Variants in TNFSF4 observed in about 807,000 individuals in gnomAD.
TNFSF4 encodes the protein tumor necrosis factor ligand superfamily member 4.
A neutral mutation model predicts 7.3 loss-of-function variants in TNFSF4; 4 were observed. The ratio of observed to expected loss-of-function variants is 0.55; its 90% CI spans 0.27 to 1.25. The LOEUF (loss-of-function observed/expected upper bound fraction) is 1.25, where lower values mean the gene tolerates loss of function less well. Ranked by LOEUF, TNFSF4 falls within the 50% of genes most tolerant of loss-of-function variation. TNFSF4 has a pLI of 0.12. For missense variants in TNFSF4, 181 were observed against 208.8 expected, an observed-to-expected ratio of 0.87 and a Z score of 0.82; for synonymous variants, 76 against 83.7, an observed-to-expected ratio of 0.91 and a Z score of 0.50.
chr1:173,229,071 T>C, the TNFSF4 span, among the ~76,000 whole-genome samples: 3 of 152,052 alleles, frequency 2.0e-5, no homozygotes, highest in Non-Finnish European at 4.4e-5. Flanking sequence ...ATTCAGGAAA[T>C]ACAGAGAACA....
At chr1:173,255,662 C>T in the TNFSF4 span, among the ~76,000 whole-genome samples, 1 of 152,218 alleles carries the variant, frequency 6.6e-6, no homozygotes, top group East Asian at 1.9e-4. Flanking sequence ...TAGTTAGACA[C>T]ATACTAGCAC....
chr1:173,242,255 A>T, the TNFSF4 span, among the ~76,000 whole-genome samples: 1 of 152,184 alleles, frequency 6.6e-6, no homozygotes, highest in African/African-American at 2.4e-5. Context: ...TCATCTGGTT[A>T]TGACAGAAGT....
chr1:173,383,236 C>T, the TNFSF4 span, among the ~76,000 whole-genome samples: 2 of 152,036 alleles, frequency 1.3e-5, no homozygotes, highest in Non-Finnish European at 2.9e-5. Flanking sequence ...ATTCTTTGCC[C>T]AAAATAGCAA....
chr1:173,360,708 G>A, the TNFSF4 span, among the ~76,000 whole-genome samples: 3 of 152,212 alleles, frequency 2.0e-5, no homozygotes, highest in African/African-American at 4.8e-5. Flanking sequence ...AAACTGAGGG[G>A]CCCCTTGTGG....
the TNFSF4 span, among the ~76,000 whole-genome samples, chr1:173,308,263 C>T: frequency 8.6e-6 from 1 of 116,222 alleles, no homozygotes; most frequent in Non-Finnish European, 1.8e-5. Context: ...ACTCCTCTCT[C>T]TCTTTCTCTC....
downstream of TNFSF4, among the ~76,000 whole-genome samples, chr1:173,182,213 GT>G (rs1400473904): frequency 7.3e-5 from 11 of 151,686 alleles, no homozygotes; most frequent in African/African-American, 2.7e-4. Context: ...TCTAGTAAAA[GT>G]AATTCAAAGC....
At chr1:173,443,877 G>A in the TNFSF4 span, among the ~76,000 whole-genome samples, 1 of 152,178 alleles carries the variant, frequency 6.6e-6, no homozygotes, top group Non-Finnish European at 1.5e-5. Context: ...TGCTGACTGT[G>A]CTGCAGTCCT....
chr1:173,350,364 C>T, the TNFSF4 span, among the ~76,000 whole-genome samples: 1 of 152,164 alleles, frequency 6.6e-6, no homozygotes, highest in African/African-American at 2.4e-5. Context: ...CTGGCTAAGA[C>T]AGACTGGTAG....
chr1:173,312,846 C>G, the TNFSF4 span, among the ~76,000 whole-genome samples: 1 of 152,084 alleles, frequency 6.6e-6, no homozygotes, highest in Non-Finnish European at 1.5e-5. Flanking sequence ...GAAAGAAGTA[C>G]CTGCTACACG....
chr1:173,359,388 T>A, the TNFSF4 span, among the ~76,000 whole-genome samples: 6 of 150,752 alleles, frequency 4.0e-5, no homozygotes, highest in African/African-American at 1.5e-4. Flanking sequence ...AATAAAAAGA[T>A]TTTAAAACAC....
At chr1:173,345,984 C>A in the TNFSF4 span, among the ~76,000 whole-genome samples, 2 of 152,080 alleles carry the variant, frequency 1.3e-5, no homozygotes, top group Non-Finnish European at 2.9e-5. Flanking sequence ...GAGGGCAGGG[C>A]CAGGGACTTT....
chr1:173,329,730 T>A, the TNFSF4 span, among the ~76,000 whole-genome samples: 1 of 152,114 alleles, frequency 6.6e-6, no homozygotes, highest in African/African-American at 2.4e-5. Context: ...GTAGGATAGG[T>A]TCTGTTATCT....
the TNFSF4 span, among the ~76,000 whole-genome samples, chr1:173,376,194 A>G: frequency 3.9e-5 from 6 of 152,178 alleles, no homozygotes; most frequent in African/African-American, 1.4e-4. Flanking sequence ...CTTGGAACCA[A>G]CCCAAATGCC....
the TNFSF4 span, among the ~76,000 whole-genome samples, chr1:173,307,364 A>T: frequency 6.6e-6 from 1 of 151,914 alleles, no homozygotes; most frequent in Non-Finnish European, 1.5e-5. Flanking sequence ...CCAAATTCAA[A>T]CACAATGTAC....
chr1:173,315,587 G>T, the TNFSF4 span, among the ~76,000 whole-genome samples: 1 of 152,122 alleles, frequency 6.6e-6, no homozygotes, highest in Non-Finnish European at 1.5e-5. Context: ...ACCCTAAATT[G>T]TAAGGACACG....
chr1:173,446,758 T>A, the TNFSF4 span, among the ~76,000 whole-genome samples: 17 of 152,326 alleles, frequency 1.1e-4, 2 homozygotes, highest in African/African-American at 4.1e-4. Flanking sequence ...TCCAAGTTCT[T>A]CAGCTTTTGG....
the TNFSF4 span, among the ~76,000 whole-genome samples, chr1:173,216,206 G>A: frequency 5.9e-5 from 9 of 152,218 alleles, no homozygotes; most frequent in African/African-American, 2.2e-4. Context: ...CTAGGCATCA[G>A]CAGGGTAGGA....
the TNFSF4 span, among the ~76,000 whole-genome samples, chr1:173,297,373 A>G: frequency 0.1 from 15,373 of 152,014 alleles, 873 homozygotes; most frequent in Middle Eastern, 0.12. Flanking sequence ...AAGTAAAGTC[A>G]AGTTTCACAG....
chr1:173,189,269 T>G (rs940671244), intron 1 of TNFSF4, among the ~76,000 whole-genome samples: 1 of 152,194 alleles, frequency 6.6e-6, no homozygotes, highest in Non-Finnish European at 1.5e-5. Flanking sequence ...GATTCCCTCA[T>G]GGAGAATGCT....
Sources: gnomAD v4.1 joint callset for allele counts (sites outside exome capture counted in the v4.1 genomes callset) on GRCh38, gnomAD v4.1.1 for gene constraint, MANE v1.5 for transcripts, NCBI Gene and HGNC (gene_info 2026-07-23, HGNC 2026-07-21) for gene names.